The following CELF4 variants were observed in gnomAD, a reference collection of about 807,000 sequenced individuals.
CELF4 encodes the protein CUG-BP- and ETR-3-like factor 4.
A neutral mutation model predicts 59.9 loss-of-function variants in CELF4; 18 were observed. The observed-to-expected ratio is 0.30, with a 90% CI of 0.21 to 0.45. CELF4 has a LOEUF of 0.45. Ranked by LOEUF, CELF4 falls within the 20% of genes least tolerant of loss-of-function variation. CELF4 has a pLI of 1.00. For synonymous variants in CELF4, 261 were observed against 267.1 expected (o/e 0.98, Z 0.22); for missense variants, 456 against 689.0 (o/e 0.66, Z 3.79).
At chr18:37,441,664 A>T (rs1303345852) in intron 2 of CELF4, among the ~76,000 whole-genome samples, 2 of 151,992 alleles carry the variant, frequency 1.3e-5, no homozygotes, top group African/African-American at 4.8e-5. Context: ...ATCTTGCAAG[A>T]TCACCCTCTT....
At chr18:37,329,598 C>A (rs540174) in intron 2 of CELF4, among the ~76,000 whole-genome samples, 8 of 152,220 alleles carry the variant, frequency 5.3e-5, no homozygotes. Context: ...ACGTGACCAA[C>A]CCTGATCCCC....
At chr18:37,303,256 C>T (rs1431961943) in intron 3 of CELF4, among the ~76,000 whole-genome samples, 1 of 152,094 alleles carries the variant, frequency 6.6e-6, no homozygotes, top group Non-Finnish European at 1.5e-5. Flanking sequence ...TCTGTTCCCT[C>T]CTCCCACCTA....
chr18:37,339,582 C>T (rs568927444), intron 2 of CELF4, among the ~76,000 whole-genome samples: 5 of 152,064 alleles, frequency 3.3e-5, no homozygotes, highest in Non-Finnish European at 7.4e-5. Flanking sequence ...AGTGAAACCC[C>T]ATCTCTACTA....
chr18:37,373,813 C>T (rs2098932794), intron 2 of CELF4, among the ~76,000 whole-genome samples: 1 of 152,176 alleles, frequency 6.6e-6, no homozygotes, highest in Non-Finnish European at 1.5e-5. Context: ...CGTGGGAGTG[C>T]TCCCACTAGG....
chr18:37,440,787 T>C (rs1197363225), intron 2 of CELF4, among the ~76,000 whole-genome samples: 1 of 152,088 alleles, frequency 6.6e-6, no homozygotes, highest in Non-Finnish European at 1.5e-5. Context: ...CCTATCTACC[T>C]ACCTAACTAC....
chr18:37,522,912 TC>T (rs1028375592), intron 1 of CELF4, among the ~76,000 whole-genome samples: 6 of 152,172 alleles, frequency 3.9e-5, no homozygotes, highest in Non-Finnish European at 8.8e-5. Flanking sequence ...CCCTCATTAG[TC>T]CCCTGACTCG....
chr18:37,455,647 G>T (rs1306758307), intron 2 of CELF4, among the ~76,000 whole-genome samples: 1 of 152,212 alleles, frequency 6.6e-6, no homozygotes, highest in Admixed American at 6.5e-5. Flanking sequence ...AGTCAGGGAA[G>T]GATGATGGAG....
intron 12 of CELF4, among the ~76,000 whole-genome samples, chr18:37,251,404 A>G (rs1258066335): frequency 1.3e-5 from 2 of 152,022 alleles, no homozygotes; most frequent in African/African-American, 4.8e-5. Context: ...CCAAACAATA[A>G]ACCTGCCTTC....
At position 37,296,898 on chromosome 18, in the gene CELF4, C is replaced by A. The variant is rs143205065; in HGVS notation, c.449-21655G>T. Among the ~76,000 whole-genome samples, 233 of 152,262 alleles carry A rather than the reference C, an allele frequency of 1.5e-3. 1 individual carries two copies. The highest frequency in any genetic ancestry group is 5.5e-3 in the African/African-American group (227 of 41,558). ...AGGACGCCCCTTCACCCCCAAGGGC[C>A]AAACCAGGGAGCAGAATCTCCACTC... is the stretch of plus-strand genomic sequence containing the variant. On this transcript the variant is annotated intron_variant, in intron 3 of 12. Transcript: ENST00000420428.
intron 3 of CELF4, among the ~76,000 whole-genome samples, chr18:37,303,796 G>T (rs1232779825): frequency 2.0e-5 from 3 of 152,156 alleles, no homozygotes; most frequent in African/African-American, 7.2e-5. Context: ...CTGGCCTCCT[G>T]TCTGACGGGA....
intron 3 of CELF4, among the ~76,000 whole-genome samples, chr18:37,276,908 T>C (rs2093390760): frequency 6.6e-6 from 1 of 152,160 alleles, no homozygotes; most frequent in Non-Finnish European, 1.5e-5. Flanking sequence ...CAAATGGCCA[T>C]GTGTTCATGG....
intron 2 of CELF4, among the ~76,000 whole-genome samples, chr18:37,351,415 C>T (rs886316706): frequency 3.3e-5 from 5 of 152,136 alleles, no homozygotes; most frequent in South Asian, 2.1e-4. Context: ...ACGGGCCCAA[C>T]GTATACCAGA....
At chr18:37,539,281 GA>G (rs1354755073) in intron 1 of CELF4, among the ~76,000 whole-genome samples, 11 of 152,164 alleles carry the variant, frequency 7.2e-5, no homozygotes, top group Non-Finnish European at 1.6e-4. Context: ...TTTATAAAGA[GA>G]AAGCTGAAGC....
At chr18:37,437,055 C>T (rs571399019) in intron 2 of CELF4, among the ~76,000 whole-genome samples, 34 of 152,318 alleles carry the variant, frequency 2.2e-4, no homozygotes, top group African/African-American at 7.9e-4. Flanking sequence ...AATGGAAAGA[C>T]CCCAGGGGCT....
chr18:37,565,357 T>C lies in CELF4; in HGVS notation c.285A>G (p.Lys95=), dbSNP rs574089040. Residue 95 remains lysine, a splice_region_variant and synonymous_variant, in exon 1 of 13, where the codon AAA becomes AAG. Coordinates refer to ENST00000420428, the MANE Select transcript of CELF4 (RefSeq NM_020180.4). ...VLKDRFTGMH[K]GCAFLTYCER... is the part of the protein sequence containing the mutation. Reference sequence around the variant, plus strand: ...GTTGGGAGGGAAAGGTGTACTCACCTTTGTGCATGCCTGTGAACCTGTCCT... The same window carrying C: ...GTTGGGAGGGAAAGGTGTACTCACCCTTGTGCATGCCTGTGAACCTGTCCT... 6.5e-7 allele frequency: 1 copy of C among 1,539,746 alleles called. No individual in the cohort carries two copies. Among genetic ancestry groups the C allele is most frequent in the African/African-American group, 1.4e-5 (1 of 73,132 alleles).
chr18:37,556,060 A>T (rs951063406), intron 1 of CELF4, among the ~76,000 whole-genome samples: 2 of 152,214 alleles, frequency 1.3e-5, no homozygotes, highest in Non-Finnish European at 2.9e-5. Context: ...AGAATCACAG[A>T]GTTCCTACAA....
chr18:37,379,944 C>T (rs1457430008), intron 2 of CELF4, among the ~76,000 whole-genome samples: 1 of 152,170 alleles, frequency 6.6e-6, no homozygotes, highest in Non-Finnish European at 1.5e-5. Flanking sequence ...GGGTTCCTCA[C>T]CCTTAGACCC....
At chr18:37,339,994 C>T (rs560564556) in intron 2 of CELF4, among the ~76,000 whole-genome samples, 3 of 152,176 alleles carry the variant, frequency 2.0e-5, no homozygotes, top group Non-Finnish European at 4.4e-5. Context: ...CTGCCATCAG[C>T]GCATTAATCC....
intron 2 of CELF4, among the ~76,000 whole-genome samples, chr18:37,349,809 C>T (rs896587163): frequency 3.9e-5 from 6 of 152,058 alleles, no homozygotes; most frequent in South Asian, 2.1e-4. Context: ...GAAGGGCATT[C>T]GGGCAGCAGG....
Sources: gnomAD v4.1 joint callset for allele counts (sites outside exome capture counted in the v4.1 genomes callset) on GRCh38, gnomAD v4.1.1 for gene constraint, MANE v1.5 for transcripts, NCBI Gene and HGNC (gene_info 2026-07-23, HGNC 2026-07-21) for gene names.